The following BMP6 variants were observed in gnomAD, a reference collection of about 807,000 sequenced individuals.
BMP6 encodes VG-1-R.
Under a neutral mutation model 54.1 loss-of-function variants are expected in BMP6, and 17 were observed. That is an observed-to-expected ratio of 0.31 (90% CI 0.22 to 0.47). The LOEUF (loss-of-function observed/expected upper bound fraction) is 0.47, where lower values mean the gene tolerates loss of function less well. BMP6 is among the 20% of genes least tolerant of loss of function. The pLI is 1.00. For synonymous variants in BMP6, 328 were observed against 291.2 expected (o/e 1.13, Z -1.28); for missense variants, 720 against 690.4 (o/e 1.04, Z -0.48).
At chr6:7,838,866 C>T (rs961830717) in intron 1 of BMP6, among the ~76,000 whole-genome samples, 4 of 146,978 alleles carry the variant, frequency 2.7e-5, no homozygotes, top group Admixed American at 1.4e-4. Context: ...GGCGTCAACC[C>T]GGGAGGTGGA....
chr6:7,871,931 A>G lies in BMP6; in HGVS notation c.1205-7143A>G, dbSNP rs147980969. Among the ~76,000 whole-genome samples, 1,357 of 138,112 alleles carry G rather than the reference A, an allele frequency of 9.8e-3. 8 individuals are homozygous for G. Among genetic ancestry groups the G allele is most frequent in the Middle Eastern group, 0.031 (7 of 224 alleles). 90.6% of individuals were successfully genotyped at this position (138,112 alleles called of 152,430 possible). A position where few individuals can be genotyped will look rare whatever the true frequency, so the allele number is the denominator to read the frequency against. Reference sequence around the variant, plus strand: ...GCTGAGAACCCCGCACTTTAGAGAAACTCCCTGATGATCCCCAGTATTCGG... The same window carrying G: ...GCTGAGAACCCCGCACTTTAGAGAAGCTCCCTGATGATCCCCAGTATTCGG... On this transcript the variant is annotated intron_variant, in intron 4 of 6. Coordinates refer to ENST00000283147, the MANE Select transcript of BMP6 (RefSeq NM_001718.6).
At chr6:7,876,913 T>C (rs1263870127) in intron 4 of BMP6, among the ~76,000 whole-genome samples, 2 of 152,178 alleles carry the variant, frequency 1.3e-5, no homozygotes, top group African/African-American at 4.8e-5. Context: ...GTTTTTAGTT[T>C]TGTTATTGTT....
intron 1 of BMP6, among the ~76,000 whole-genome samples, chr6:7,746,687 CTGGA>C (rs1757351797): frequency 6.6e-6 from 1 of 152,122 alleles, no homozygotes; most frequent in Admixed American, 6.5e-5. Context: ...CCCGATCCTC[CTGGA>C]ACTCTTTCCC....
At chr6:7,853,058 C>A (rs1759170921) in intron 2 of BMP6, among the ~76,000 whole-genome samples, 1 of 152,082 alleles carries the variant, frequency 6.6e-6, no homozygotes, top group African/African-American at 2.4e-5. Context: ...GGTGTCTGTG[C>A]CTCGTACTAG....
At chr6:7,764,990 G>A (rs569024105) in intron 1 of BMP6, among the ~76,000 whole-genome samples, 2 of 152,134 alleles carry the variant, frequency 1.3e-5, no homozygotes, top group Non-Finnish European at 2.9e-5. Context: ...CAGGTAATTC[G>A]TTGACTTCCT....
At chr6:7,820,195 G>T (rs1385980848) in intron 1 of BMP6, among the ~76,000 whole-genome samples, 1 of 152,174 alleles carries the variant, frequency 6.6e-6, no homozygotes, top group African/African-American at 2.4e-5. Context: ...TAAAATGTGT[G>T]TGCATATACA....
intron 1 of BMP6, among the ~76,000 whole-genome samples, chr6:7,785,980 C>T (rs1301040847): frequency 6.6e-6 from 1 of 152,088 alleles, no homozygotes; most frequent in African/African-American, 2.4e-5. Flanking sequence ...CAAATGAAGC[C>T]AGAGAAACTA....
chr6:7,741,939 G>A (rs1340791790), intron 1 of BMP6, among the ~76,000 whole-genome samples: 1 of 152,180 alleles, frequency 6.6e-6, no homozygotes, highest in Non-Finnish European at 1.5e-5. Context: ...CCCCCCAAGT[G>A]CCTAGCATGG....
At position 7,726,855 on chromosome 6, in the gene BMP6, G is replaced by T; in HGVS notation, c.-101G>T. The T allele has an allele frequency of 1.4e-6, 1 of 699,762 alleles. No individual in the cohort carries two copies. Among genetic ancestry groups the T allele is most frequent in the African/African-American group, 1.9e-5 (1 of 51,992 alleles). The allele number at this position is 699,762 out of a possible 1,614,324, so 43.3% of individuals were successfully genotyped here. On this transcript the variant is annotated 5_prime_UTR_variant, in exon 1 of 7. Coordinates refer to ENST00000283147, the MANE Select transcript of BMP6 (RefSeq NM_001718.6). ...GGGGAAGCGAGCCCGCCGAGAGGTGGCGGGGACTGCTCACGCCAAGGGCCA... is the reference window on the plus strand; with the variant it reads ...GGGGAAGCGAGCCCGCCGAGAGGTGTCGGGGACTGCTCACGCCAAGGGCCA...
chr6:7,813,149 A>ATATATATATATATATATAT (rs1333428977), intron 1 of BMP6, among the ~76,000 whole-genome samples: 1 of 107,890 alleles, frequency 9.3e-6, no homozygotes, highest in Non-Finnish European at 1.8e-5. Flanking sequence ...ATATATATAT[A>ATATATATATATATATATAT]AAATTAGTGG....
intron 4 of BMP6, among the ~76,000 whole-genome samples, chr6:7,878,709 G>A (rs139649126): frequency 1.4e-4 from 21 of 152,332 alleles, no homozygotes; most frequent in Admixed American, 4.6e-4. Flanking sequence ...GCCTAGTAGC[G>A]TTGTCTGATC....
rs199583279 is a variant in BMP6, at chr6:7,727,593, A to G, written c.638A>G (p.Asp213Gly). 9.5e-6 allele frequency: 15 copies of G among 1,577,466 alleles called. No individual in the cohort carries two copies. Among genetic ancestry groups the G allele is most frequent in the South Asian group, 2.3e-5 (2 of 87,702 alleles). Residue 213 changes from aspartate (D) to glycine (G), a missense_variant, in exon 1 of 7, where the codon GAC becomes GGC. Around this residue, in one of 3 missense-constraint regions of BMP6, gnomAD observed 650 missense variants for 556.3 expected, o/e 1.17. Coordinates refer to ENST00000283147, the MANE Select transcript of BMP6 (RefSeq NM_001718.6). The part of the protein sequence containing the change: ...AQDSAFLNDA[D>G]MVMSFVNLVE... Reference sequence around the variant, plus strand: ...GACAGCGCCTTCCTCAACGACGCGGACATGGTCATGAGCTTTGTGAACCTG... The same window carrying G: ...GACAGCGCCTTCCTCAACGACGCGGGCATGGTCATGAGCTTTGTGAACCTG...
Position 7,727,187 on chromosome 6 carries a change from G to A in BMP6, c.232G>A (p.Glu78Lys). The A allele has an allele frequency of 6.2e-7, 1 of 1,602,394 alleles. No homozygotes were observed. Among genetic ancestry groups the A allele is most frequent in the Non-Finnish European group, 8.5e-7 (1 of 1,175,290 alleles). The part of the protein sequence containing the change: ...YRRLKTQEKR[E>K]MQKEILSVLG... ...GCGGCTCAAGACGCAGGAGAAGCGG[G>A]AGATGCAGAAGGAGATCTTGTCGGT... is the stretch of plus-strand genomic sequence containing the variant. Residue 78 changes from glutamate (E) to lysine (K), a missense_variant, in exon 1 of 7, where the codon GAG (glutamate) becomes AAG (lysine). Glu to Lys is a moderately conservative substitution (Grantham distance 56, BLOSUM62 1). Transcript: ENST00000283147.
intron 2 of BMP6, among the ~76,000 whole-genome samples, chr6:7,851,392 G>A (rs757766901): frequency 5.3e-5 from 8 of 152,130 alleles, no homozygotes; most frequent in Admixed American, 1.3e-4. Context: ...TAAAAATTCA[G>A]TGCCAAATTG....
At chr6:7,855,894 C>A (rs2113268947) in intron 2 of BMP6, among the ~76,000 whole-genome samples, 1 of 151,930 alleles carries the variant, frequency 6.6e-6, no homozygotes, top group East Asian at 1.9e-4. Context: ...TAGTATTTAC[C>A]TCTTACGGTT....
chr6:7,842,440 C>T (rs1368982732), intron 1 of BMP6, among the ~76,000 whole-genome samples: 1 of 151,938 alleles, frequency 6.6e-6, no homozygotes, highest in Non-Finnish European at 1.5e-5. Flanking sequence ...AGCTTCTCTA[C>T]ATGGCTAGCT....
intron 1 of BMP6, among the ~76,000 whole-genome samples, chr6:7,798,652 A>G (rs2113194303): frequency 6.6e-6 from 1 of 152,076 alleles, no homozygotes; most frequent in Admixed American, 6.5e-5. Context: ...TTCCACACTC[A>G]CTCACTCGGC....
intron 1 of BMP6, among the ~76,000 whole-genome samples, chr6:7,728,167 G>A (rs1376876964): frequency 1.3e-5 from 2 of 152,042 alleles, no homozygotes; most frequent in Non-Finnish European, 2.9e-5. Context: ...ACGGCACTAG[G>A]GGAGGTTGCA....
Position 7,747,813 on chromosome 6 carries a change from A to AT in BMP6, c.664+20207dup, listed in dbSNP as rs1252550367. ...AGGCATGCACTACCTTGACTAGCTA[A>AT]TTTTTTTTTTTTTGTAGAGATGGGG... On this transcript the variant is annotated intron_variant, in intron 1 of 6. Coordinates refer to ENST00000283147, the MANE Select transcript of BMP6 (RefSeq NM_001718.6). 2.4e-3 allele frequency among the ~76,000 whole-genome samples: 352 copies of AT among 144,714 alleles called. 1 individual carries two copies. The highest frequency in any genetic ancestry group is 9.2e-3 in the East Asian group (46 of 4,990). The allele number at this position is 144,714 out of a possible 152,430, so 94.9% of individuals were successfully genotyped here.
Sources: allele counts gnomAD v4.1 joint callset (sites outside exome capture counted in the v4.1 genomes callset), GRCh38; gene constraint gnomAD v4.1.1; regional missense constraint gnomAD v4.1.1; transcripts MANE v1.5; gene names NCBI Gene and HGNC (gene_info 2026-07-23, HGNC 2026-07-21).